The following QTMAN variants were observed in gnomAD, a reference collection of about 807,000 sequenced individuals.
QTMAN encodes the protein queuosine-tRNA mannosyltransferase.
At chr2:144,273,208 TA>T in the QTMAN span, among the ~76,000 whole-genome samples, 470 of 143,246 alleles carry the variant, frequency 3.3e-3, 1 homozygote, top group South Asian at 7.8e-3. Context: ...AACAAAAAGC[TA>T]AAAAAAAAAA....
the QTMAN span, among the ~76,000 whole-genome samples, chr2:144,253,344 G>A: frequency 6.6e-6 from 1 of 152,240 alleles, no homozygotes; most frequent in South Asian, 2.1e-4. Context: ...CCAGGATAGT[G>A]GGGTGCTGCT....
chr2:144,300,615 T>C, the QTMAN span, among the ~76,000 whole-genome samples: 5 of 152,070 alleles, frequency 3.3e-5, no homozygotes, highest in Admixed American at 6.6e-5. Context: ...CTAAAAACAG[T>C]GTCAAAAGTG....
chr2:144,304,763 C>T, the QTMAN span, among the ~76,000 whole-genome samples: 1 of 152,044 alleles, frequency 6.6e-6, no homozygotes. Flanking sequence ...TAAATAAAAG[C>T]TATTTTAAAA....
At chr2:144,211,780 C>A in the QTMAN span, among the ~76,000 whole-genome samples, 1 of 152,080 alleles carries the variant, frequency 6.6e-6, no homozygotes, top group Non-Finnish European at 1.5e-5. Flanking sequence ...AACCACTTCA[C>A]TGCTATGGTG....
chr2:144,215,273 T>TAC, the QTMAN span, among the ~76,000 whole-genome samples: 12,188 of 143,746 alleles, frequency 0.085, 575 homozygotes, highest in Middle Eastern at 0.13. Flanking sequence ...TATATATATA[T>TAC]ACACACACAC....
the QTMAN span, among the ~76,000 whole-genome samples, chr2:144,143,115 C>T: frequency 6.6e-6 from 1 of 152,030 alleles, no homozygotes; most frequent in Admixed American, 6.6e-5. Context: ...TGTAAGTATT[C>T]TGAATATGTT....
the QTMAN span, among the ~76,000 whole-genome samples, chr2:144,274,509 G>C: frequency 6.6e-6 from 1 of 152,202 alleles, no homozygotes; most frequent in Non-Finnish European, 1.5e-5. Context: ...AACGTTGATT[G>C]AGTTGATCAC....
chr2:144,230,440 A>C, the QTMAN span: 3 of 152,208 alleles, frequency 2.0e-5, no homozygotes, highest in African/African-American at 7.2e-5. Context: ...ACTTTAATTT[A>C]CATTCTGAGA....
chr2:144,269,229 A>C, the QTMAN span, among the ~76,000 whole-genome samples: 2 of 152,234 alleles, frequency 1.3e-5, no homozygotes, highest in Admixed American at 1.3e-4. Context: ...ATTTAAAAGT[A>C]AAATATAATC....
chr2:144,204,383 C>T, the QTMAN span, among the ~76,000 whole-genome samples: 2 of 152,130 alleles, frequency 1.3e-5, no homozygotes, highest in African/African-American at 2.4e-5. Context: ...CCAACAGACA[C>T]GTGAAAAAAT....
chr2:144,196,355 C>T, the QTMAN span, among the ~76,000 whole-genome samples: 1 of 151,934 alleles, frequency 6.6e-6, no homozygotes, highest in South Asian at 2.1e-4. Flanking sequence ...AACTAATTCA[C>T]ATTCTTATCT....
chr2:144,090,259 A>T, the QTMAN span, among the ~76,000 whole-genome samples: 1 of 152,104 alleles, frequency 6.6e-6, no homozygotes, highest in Non-Finnish European at 1.5e-5. Context: ...CCCTAATGTC[A>T]TGCTTAACAG....
At chr2:144,216,118 T>C in the QTMAN span, among the ~76,000 whole-genome samples, 2 of 152,216 alleles carry the variant, frequency 1.3e-5, no homozygotes, top group African/African-American at 2.4e-5. Flanking sequence ...TAGACTCTTA[T>C]AACTTCACAC....
the QTMAN span, among the ~76,000 whole-genome samples, chr2:144,007,923 GT>G: frequency 6.6e-6 from 1 of 152,038 alleles, no homozygotes; most frequent in Non-Finnish European, 1.5e-5. Context: ...CTACAAAAAT[GT>G]TTGAAACTTC....
chr2:144,121,229 C>T, the QTMAN span, among the ~76,000 whole-genome samples: 3 of 152,010 alleles, frequency 2.0e-5, no homozygotes, highest in Admixed American at 6.6e-5. Flanking sequence ...GGTCTGGTGG[C>T]GGCACACTGG....
chr2:144,116,791 A>T, the QTMAN span, among the ~76,000 whole-genome samples: 1 of 152,200 alleles, frequency 6.6e-6, no homozygotes, highest in African/African-American at 2.4e-5. Flanking sequence ...GGAAAACATT[A>T]TTGTTTCCGT....
chr2:143,980,024 C>T, the QTMAN span, among the ~76,000 whole-genome samples: 1 of 151,904 alleles, frequency 6.6e-6, no homozygotes, highest in Non-Finnish European at 1.5e-5. Context: ...AAACAAGGTG[C>T]TTTGTTTTTC....
At chr2:144,108,587 G>A in the QTMAN span, among the ~76,000 whole-genome samples, 4 of 151,046 alleles carry the variant, frequency 2.6e-5, no homozygotes, top group East Asian at 1.9e-4. Context: ...GGAGTGAGCC[G>A]AGATCTCGCC....
chr2:144,284,090 A>C, the QTMAN span, among the ~76,000 whole-genome samples: 1 of 152,104 alleles, frequency 6.6e-6, no homozygotes, highest in Admixed American at 6.5e-5. Flanking sequence ...TAACTGTCAA[A>C]TTAGGCAACT....
Sources: gnomAD v4.1 joint callset for allele counts (sites outside exome capture counted in the v4.1 genomes callset) on GRCh38, gnomAD v4.1.1 for gene constraint, MANE v1.5 for transcripts, NCBI Gene and HGNC (gene_info 2026-07-23, HGNC 2026-07-21) for gene names.